THADA: variants seen among roughly 807,000 people sequenced by gnomAD.
The protein encoded by THADA is THADA armadillo repeat containing, also known as tRNA (32-2'-O)-methyltransferase regulator THADA.
Under a neutral mutation model 219.8 loss-of-function variants are expected in THADA, and 213 were observed. The ratio of observed to expected loss-of-function variants is 0.97; its 90% CI spans 0.87 to 1.09. The LOEUF is 1.09. Among genes scored for constraint, THADA ranks in the 50% least tolerant of loss-of-function variants. THADA has a pLI of 0.00. For synonymous variants in THADA, 1,018 were observed against 828.9 expected (o/e 1.23, Z -3.92); for missense variants, 2,956 against 2,311.3 (o/e 1.28, Z -5.72).
intron 7 of THADA, among the ~76,000 whole-genome samples, chr2:43,583,808 T>A (rs890380561): frequency 6.6e-6 from 1 of 151,986 alleles, no homozygotes; most frequent in East Asian, 1.9e-4. Context: ...TTTGGGGGAC[T>A]GGGGCAGGGG....
At position 43,586,431 on chromosome 2, in the gene THADA, T is replaced by C. The variant is rs78981041; in HGVS notation, c.503A>G (p.Lys168Arg). The C allele has an allele frequency of 2.8e-4, 438 of 1,581,778 alleles. 2 individuals carry two copies. Among genetic ancestry groups the C allele is most frequent in the Non-Finnish European group, 3.6e-4 (417 of 1,164,646 alleles). The change falls in exon 7 of 38, where the codon AAG (lysine) becomes AGG (arginine). Residue 168 changes from lysine (K) to arginine (R), a missense_variant. By Grantham distance (26) the Lys-to-Arg change is conservative. Transcript: ENST00000405975. ...LLKNVLHFLQ[K>R]SLIEILEENR... ...TTCTTCCAGGATTTCAATTAAACTC[T>C]TCTGCAGAAAATGAAGCACTGAAAC...
chr2:43,505,767 T>C, intron 23 of THADA, 32 bp from the exon 24 acceptor site: 2 of 1,479,818 alleles, frequency 1.4e-6, no homozygotes, highest in East Asian at 2.4e-5. Context: ...ATTAACAGGG[T>C]TCTTAGTTTA....
At position 43,434,652 on chromosome 2, in the gene THADA, G is replaced by A. The variant is rs569216323; in HGVS notation, c.3837-4350C>T. Among the ~76,000 whole-genome samples the A allele has an allele frequency of 1.0e-3, 155 of 152,322 alleles. 1 individual carries two copies. The highest frequency in any genetic ancestry group is 3.6e-3 in the African/African-American group (151 of 41,564). On this transcript the variant is annotated intron_variant, in intron 26 of 37. Transcript: ENST00000405975. ...GGCCAGGGCAGTCAGAAAAGAGACA[G>A]GCCGCCGAGTGGCCCAAATCCAGCG...
chr2:43,280,898 C>T (rs1214790695), intron 35 of THADA, among the ~76,000 whole-genome samples: 1 of 152,214 alleles, frequency 6.6e-6, no homozygotes, highest in African/African-American at 2.4e-5. Flanking sequence ...AATTGTGTGG[C>T]TGTGATTCCC....
chr2:43,364,678 T>A (rs368445784), intron 29 of THADA, among the ~76,000 whole-genome samples: 1 of 152,256 alleles, frequency 6.6e-6, no homozygotes. Context: ...GACTTGTTTA[T>A]TCACTCAGCA....
intron 26 of THADA, among the ~76,000 whole-genome samples, chr2:43,432,584 T>C (rs1679507183): frequency 1.3e-5 from 2 of 152,150 alleles, no homozygotes; most frequent in Non-Finnish European, 2.9e-5. Context: ...TGTCTAACCA[T>C]TTAGGAAACT....
chr2:43,562,756 TC>T (rs1698220925), intron 15 of THADA: 1 of 152,214 alleles, frequency 6.6e-6, no homozygotes, highest in African/African-American at 2.4e-5. Flanking sequence ...TGATTCAATC[TC>T]TTATAGGTCT....
At chr2:43,489,318 C>A (rs577780212) in intron 25 of THADA, among the ~76,000 whole-genome samples, 1 of 152,266 alleles carries the variant, frequency 6.6e-6, no homozygotes, top group African/African-American at 2.4e-5. Flanking sequence ...GTAGCTGGGA[C>A]TACAGGTGCA....
chr2:43,267,879 C>T (rs186046566), intron 36 of THADA, among the ~76,000 whole-genome samples: 11 of 152,338 alleles, frequency 7.2e-5, no homozygotes, highest in African/African-American at 2.4e-4. Flanking sequence ...CCGACTAAAA[C>T]ACCAGCTGTT....
chr2:43,281,980 AG>A (rs149710285), intron 35 of THADA, among the ~76,000 whole-genome samples: 1 of 152,132 alleles, frequency 6.6e-6, no homozygotes, highest in East Asian at 1.9e-4. Flanking sequence ...GTGTTGCCCA[AG>A]CTGGTCTCGA....
chr2:43,509,957 A>G (rs1004279778), intron 22 of THADA, among the ~76,000 whole-genome samples: 12 of 152,208 alleles, frequency 7.9e-5, no homozygotes, highest in African/African-American at 2.9e-4. Context: ...AAAACCAGCT[A>G]TCAAAACTCC....
chr2:43,584,239 T>A (rs1471683582), intron 7 of THADA, among the ~76,000 whole-genome samples: 4 of 152,054 alleles, frequency 2.6e-5, no homozygotes, highest in African/African-American at 9.7e-5. Context: ...GAATTTGAGG[T>A]ACCTGTAAAA....
At chr2:43,362,117 T>C (rs551757540) in intron 29 of THADA, among the ~76,000 whole-genome samples, 40 of 152,366 alleles carry the variant, frequency 2.6e-4, no homozygotes, top group African/African-American at 9.4e-4. Flanking sequence ...ACAAATACTT[T>C]AGCTCCCAAC....
chr2:43,491,775 GAATT>G (rs1687668701), intron 25 of THADA, among the ~76,000 whole-genome samples: 2 of 152,126 alleles, frequency 1.3e-5, no homozygotes, highest in African/African-American at 4.8e-5. Context: ...AGATTTCTCA[GAATT>G]AATTCCTGTC....
intron 31 of THADA, among the ~76,000 whole-genome samples, chr2:43,308,755 TACCAAAAAAA>T (rs1466551995): frequency 2.2e-4 from 14 of 63,298 alleles, no homozygotes; most frequent in South Asian, 6.4e-4. Context: ...TGGATACCCA[TACCAAAAAAA>T]AAAAAAAAAA....
At chr2:43,438,325 C>T (rs572259147) in intron 26 of THADA, among the ~76,000 whole-genome samples, 5 of 139,992 alleles carry the variant, frequency 3.6e-5, no homozygotes, top group East Asian at 4.4e-4. Context: ...AAAACCCAAA[C>T]TATGCCAAGA....
intron 36 of THADA, among the ~76,000 whole-genome samples, chr2:43,259,637 A>G (rs72788878): frequency 3.9e-5 from 6 of 152,348 alleles, no homozygotes; most frequent in Non-Finnish European, 7.4e-5. Context: ...TTAACAATAT[A>G]TCACGGATGC....
At chr2:43,319,338 T>G (rs571685089) in intron 31 of THADA, among the ~76,000 whole-genome samples, 1 of 152,318 alleles carries the variant, frequency 6.6e-6, no homozygotes, top group Non-Finnish European at 1.5e-5. Flanking sequence ...CTGGGATTGC[T>G]TTATAGCTAT....
intron 22 of THADA, among the ~76,000 whole-genome samples, chr2:43,522,365 C>T (rs1378514608): frequency 2.6e-5 from 4 of 152,126 alleles, no homozygotes; most frequent in Non-Finnish European, 4.4e-5. Flanking sequence ...ATTTTGAAGA[C>T]TTAGCTGCAG....
Sources: allele counts gnomAD v4.1 joint callset (sites outside exome capture counted in the v4.1 genomes callset), GRCh38; gene constraint gnomAD v4.1.1; transcripts MANE v1.5; gene names NCBI Gene and HGNC (gene_info 2026-07-23, HGNC 2026-07-21).